The following CMYA5 variants were observed in gnomAD, a reference collection of about 807,000 sequenced individuals.
The protein encoded by CMYA5 is cardiomyopathy associated 5.
A neutral mutation model predicts 318.9 loss-of-function variants in CMYA5; 246 were observed. The observed-to-expected ratio is 0.77, with a 90% CI of 0.70 to 0.86. CMYA5 has a LOEUF of 0.86. CMYA5 is among the 40% of genes least tolerant of loss of function. The probability of loss-of-function intolerance (pLI) is 0.00; values close to 1 mark genes in which losing one functional copy is unlikely to be tolerated. For missense variants in CMYA5, 4,589 were observed against 4,678.2 expected (o/e 0.98, Z 0.56); for synonymous variants, 1,641 against 1,729.5 (o/e 0.95, Z 1.27).
Position 79,738,154 on chromosome 5 carries a change from C to G in CMYA5, c.9389C>G (p.Thr3130Ser). The change falls in exon 2 of 13, where the codon ACC becomes AGC. Residue 3130 changes from threonine to serine, a missense_variant. Transcript: ENST00000446378. ...KGHNILSHPE[T>S]QSQNSADRNV... Reference sequence around the variant, plus strand: ...CACAACATATTATCTCATCCAGAGACCCAAAGCCAAAACTCAGCTGACAGG... The same window carrying G: ...CACAACATATTATCTCATCCAGAGAGCCAAAGCCAAAACTCAGCTGACAGG... 1 of 1,613,782 alleles carries G rather than the reference C, an allele frequency of 6.2e-7. No individual in the cohort carries two copies. The highest frequency in any genetic ancestry group is 1.1e-5 in the South Asian group (1 of 91,066).
intron 9 of CMYA5, among the ~76,000 whole-genome samples, chr5:79,788,241 C>G (rs535681470): frequency 6.8e-6 from 1 of 147,458 alleles, no homozygotes; most frequent in Non-Finnish European, 1.5e-5. Flanking sequence ...AATTCATGCT[C>G]TAGGCTATGA....
At position 79,731,100 on chromosome 5, in the gene CMYA5, G is replaced by A; in HGVS notation, c.2335G>A (p.Val779Ile). The A allele has an allele frequency of 6.2e-7, 1 of 1,613,980 alleles. No homozygotes were observed. Among genetic ancestry groups the A allele is most frequent in the Non-Finnish European group, 8.5e-7 (1 of 1,179,896 alleles). ...LPSTATSEHV[V>I]PSEGEDLGSE... ...TTCTACTGCCACATCAGAACACGTG[G>A]TCCCATCAGAAGGAGAGGACCTAGG... The change falls in exon 2 of 13, where the codon GTC becomes ATC. Residue 779 changes from valine to isoleucine, a missense_variant. Val to Ile is a conservative substitution (Grantham distance 29, BLOSUM62 3). Around this residue, in one of 3 missense-constraint regions of CMYA5, gnomAD observed 2,132 missense variants for 2,131.3 expected, o/e 1.00. Transcript: ENST00000446378.
At chr5:79,706,093 A>G (rs1219042538) in intron 1 of CMYA5, among the ~76,000 whole-genome samples, 2 of 152,130 alleles carry the variant, frequency 1.3e-5, no homozygotes, top group African/African-American at 4.8e-5. Context: ...AGACACACGC[A>G]AGATAATGAA....
intron 2 of CMYA5, among the ~76,000 whole-genome samples, chr5:79,741,257 G>A (rs763872128): frequency 7.2e-5 from 11 of 152,184 alleles, no homozygotes; most frequent in East Asian, 1.9e-4. Context: ...TAATAAAATC[G>A]TCTCAGAGAG....
rs566606510 is a variant in CMYA5, at chr5:79,706,742, G to A, written c.149+16686G>A. ...CTCTCTGTGGGGGGAAGCACATCAC[G>A]CGCTGTTGGCTCATTCTGGCAGTGC... is the stretch of plus-strand genomic sequence containing the variant. On this transcript the variant is annotated intron_variant, in intron 1 of 12. Transcript: ENST00000446378. Among the ~76,000 whole-genome samples the A allele has an allele frequency of 1.1e-3, 171 of 152,144 alleles. 1 individual carries two copies. Among genetic ancestry groups the A allele is most frequent in the African/African-American group, 3.5e-3 (144 of 41,488 alleles).
At chr5:79,769,352 A>T (rs1197048743) in intron 9 of CMYA5, among the ~76,000 whole-genome samples, 6 of 151,950 alleles carry the variant, frequency 3.9e-5, no homozygotes, top group African/African-American at 1.4e-4. Context: ...GTGAGGACTT[A>T]TGATCCTTTA....
chr5:79,738,494 C>T lies in CMYA5; in HGVS notation c.9729C>T (p.Leu3243=). 6.2e-7 allele frequency: 1 copy of T among 1,613,420 alleles called. No individual in the cohort carries two copies. Among genetic ancestry groups the T allele is most frequent in the Non-Finnish European group, 8.5e-7 (1 of 1,179,840 alleles). ...GTGIYFEKYI[L]KDDILHDTSL... ...GAATATATTTTGAGAAGTACATACTCAAAGATGACATTCTCCATGACACAT... is the reference window on the plus strand; with the variant it reads ...GAATATATTTTGAGAAGTACATACTTAAAGATGACATTCTCCATGACACAT... Residue 3243 remains leucine (L), a synonymous_variant, in exon 2 of 13, where the codon CTC becomes CTT. Transcript: ENST00000446378.
At position 79,777,587 on chromosome 5, in the gene CMYA5, C is replaced by T. The variant is rs569516431; in HGVS notation, c.11556-11384C>T. Among the ~76,000 whole-genome samples, 12 of 151,284 alleles carry T rather than the reference C, an allele frequency of 7.9e-5. No homozygotes were observed. The East Asian group carries it at 1.8e-3, about 22-fold the overall frequency. On this transcript the variant is annotated intron_variant, in intron 9 of 12. Transcript: ENST00000446378. ...AGGAGTTTGAGACCAGCCTGGCCAA[C>T]GTGGTGAAACCTCATCTCTACTTAA...
rs373880162 is a variant in CMYA5, at chr5:79,730,127, C to A, written c.1362C>A (p.Asp454Glu). 83 of 1,613,788 alleles carry A rather than the reference C, an allele frequency of 5.1e-5. No homozygotes were observed. In the African/African-American group the frequency reaches 1.0e-3, roughly 20 times the overall value. Residue 454 changes from aspartate to glutamate, a missense_variant, in exon 2 of 13, where the codon GAC (aspartate) becomes GAA (glutamate). Around this residue, in one of 3 missense-constraint regions of CMYA5, gnomAD observed 2,132 missense variants for 2,131.3 expected, o/e 1.00. Transcript: ENST00000446378. ...AASTQDGLDP[D>E]QEQPDLTSIE... ...CTACCCAGGATGGTTTGGACCCAGA[C>A]CAAGAACAGCCGGACCTGACTTCAA...
At chr5:79,747,203 C>T (rs561321282) in intron 5 of CMYA5, 90 bp downstream of exon 5, 3 of 1,285,636 alleles carry the variant, frequency 2.3e-6, no homozygotes, top group South Asian at 3.1e-5. Context: ...AATGAGCTGC[C>T]AATTAAAAAA....
At chr5:79,722,317 TA>T (rs1827655192) in intron 1 of CMYA5, among the ~76,000 whole-genome samples, 1 of 152,178 alleles carries the variant, frequency 6.6e-6, no homozygotes, top group African/African-American at 2.4e-5. Flanking sequence ...AATTTGTGCT[TA>T]AAGAGAAGCA....
At chr5:79,752,932 G>A in intron 6 of CMYA5, 138 bp downstream of exon 6, 1 of 576,850 alleles carries the variant, frequency 1.7e-6, no homozygotes, top group Non-Finnish European at 3.0e-6. Context: ...GTTGTAAAAT[G>A]TTACAGCTAG....
At position 79,793,623 on chromosome 5, in the gene CMYA5, TTCCCC is replaced by T; in HGVS notation, c.11963+21_11963+25del. 6 of 1,583,266 alleles carry T rather than the reference TTCCCC, an allele frequency of 3.8e-6. No homozygotes were observed. The highest frequency in any genetic ancestry group is 5.2e-6 in the Non-Finnish European group (6 of 1,155,924). The stretch of plus-strand genomic sequence containing the variant: ...CTGAGCCACAGAGGTAAGCGAGCCC[TTCCCC>T]TCCCCTCTTCATCAAAATATTATGC... On this transcript the variant is annotated intron_variant, in intron 12 of 12. Transcript: ENST00000446378.
At chr5:79,787,033 A>C (rs1405672939) in intron 9 of CMYA5, among the ~76,000 whole-genome samples, 1 of 152,234 alleles carries the variant, frequency 6.6e-6, no homozygotes, top group Non-Finnish European at 1.5e-5. Flanking sequence ...GAGACAGAGC[A>C]TGCAGTTGAC....
At chr5:79,749,325 G>T (rs140829414) in intron 5 of CMYA5, among the ~76,000 whole-genome samples, 1 of 152,146 alleles carries the variant, frequency 6.6e-6, no homozygotes, top group Non-Finnish European at 1.5e-5. Flanking sequence ...GAAGCTGGGC[G>T]CCATCACTGA....
chr5:79,737,637 G>A lies in CMYA5; in HGVS notation c.8872G>A (p.Ala2958Thr), dbSNP rs191897488. ...AGGCTGTGAGATATTGAATATTCAT[G>A]CTCCGGCCTTTATTTCTTCAATCGA... is the stretch of plus-strand genomic sequence containing the variant. ...SEGCEILNIH[A>T]PAFISSIDQE... The change falls in exon 2 of 13, where the codon GCT becomes ACT. Residue 2958 changes from alanine to threonine, a missense_variant. Physicochemically the swap from Ala to Thr is moderately conservative, Grantham distance 58. Around this residue, in one of 3 missense-constraint regions of CMYA5, gnomAD observed 2,431 missense variants for 2,495.1 expected, o/e 0.97. Coordinates refer to ENST00000446378, the MANE Select transcript of CMYA5 (RefSeq NM_153610.5). 4 of 1,613,544 alleles carry A rather than the reference G, an allele frequency of 2.5e-6. No homozygotes were observed. The highest frequency in any genetic ancestry group is 1.3e-5 in the African/African-American group (1 of 75,034).
chr5:79,697,732 A>G (rs977054878), intron 1 of CMYA5, among the ~76,000 whole-genome samples: 3 of 152,190 alleles, frequency 2.0e-5, no homozygotes, highest in African/African-American at 7.2e-5. Context: ...TATGTAATAT[A>G]TATATAATAC....
Position 79,799,870 on chromosome 5 carries a change from T to TCCGC in CMYA5, c.*254_*255insCCGC. The TCCGC allele has an allele frequency of 6.3e-6, 1 of 158,428 alleles. No individual in the cohort carries two copies. Among genetic ancestry groups the TCCGC allele is most frequent in the Non-Finnish European group, 1.2e-5 (1 of 81,250 alleles). The allele number at this position is 158,428 out of a possible 1,614,324, so 9.8% of individuals were successfully genotyped here. A position where few individuals can be genotyped will look rare whatever the true frequency, so the allele number is the denominator to read the frequency against. On this transcript the variant is annotated 3_prime_UTR_variant, in exon 13 of 13. Coordinates refer to ENST00000446378, the MANE Select transcript of CMYA5 (RefSeq NM_153610.5). ...TATAAGTTTGAGTTCTTTCCTAAAT[T>TCCGC]AAAAGATCTACACTTGAGTTGGGAA...
Position 79,732,834 on chromosome 5 carries a change from T to C in CMYA5, c.4069T>C (p.Ser1357Pro). The C allele has an allele frequency of 6.2e-7, 1 of 1,613,720 alleles. No individual in the cohort carries two copies. The highest frequency in any genetic ancestry group is 1.3e-5 in the African/African-American group (1 of 75,030). Residue 1357 changes from serine (S) to proline (P), a missense_variant, in exon 2 of 13, where the codon TCT becomes CCT. Coordinates refer to ENST00000446378, the MANE Select transcript of CMYA5 (RefSeq NM_153610.5). ...ACCCAGTTCCTCAACAACTACAGCATCTGTAACTAAGCTTGATTCAAACTT... is the reference window on the plus strand; with the variant it reads ...ACCCAGTTCCTCAACAACTACAGCACCTGTAACTAAGCTTGATTCAAACTT... ...IEPSSSTTTASVTKLDSNLTR... is the reference protein window; with the variant it reads ...IEPSSSTTTAPVTKLDSNLTR...
Sources: gnomAD v4.1 joint callset for allele counts (sites outside exome capture counted in the v4.1 genomes callset) on GRCh38, gnomAD v4.1.1 for gene constraint, gnomAD v4.1.1 regional missense constraint, MANE v1.5 for transcripts, NCBI Gene and HGNC (gene_info 2026-07-23, HGNC 2026-07-21) for gene names.